Variants in ZMYM2 observed in about 807,000 individuals in gnomAD.
ZMYM2 encodes zinc finger MYM-type containing 2.
ZMYM2 carries 56 observed loss-of-function variants against 162.8 expected under a neutral mutation model. The ratio of observed to expected loss-of-function variants is 0.34; its 90% CI spans 0.28 to 0.43. The LOEUF (loss-of-function observed/expected upper bound fraction) is 0.43. Among genes scored for constraint, ZMYM2 ranks in the 20% least tolerant of loss-of-function variants. The probability of loss-of-function intolerance (pLI) is 1.00; values close to 1 mark genes in which losing one functional copy is unlikely to be tolerated. For synonymous variants in ZMYM2, 510 were observed against 541.6 expected (o/e 0.94, Z 0.81); for missense variants, 1,275 against 1,621.8 (o/e 0.79, Z 3.67).
chr13:19,951,145 C>T, the ZMYM2 span, among the ~76,000 whole-genome samples: 1 of 152,126 alleles, frequency 6.6e-6, no homozygotes, highest in Admixed American at 6.6e-5. Flanking sequence ...CGCTCTAAAG[C>T]TTAGATGGAA....
rs1158594782 is a variant in ZMYM2, at chr13:20,079,316, C to CAAAA, written c.3454-2676_3454-2673dup. Among the ~76,000 whole-genome samples, 120 of 23,158 alleles carry CAAAA rather than the reference C, an allele frequency of 5.2e-3. 16 individuals are homozygous for CAAAA. Among genetic ancestry groups the CAAAA allele is most frequent in the South Asian group, 0.031 (9 of 288 alleles). 15.2% of individuals were successfully genotyped at this position (23,158 alleles called of 152,430 possible). A position where few individuals can be genotyped will look rare whatever the true frequency, so the allele number is the denominator to read the frequency against. On this transcript the variant is annotated intron_variant, in intron 21 of 24. Transcript: ENST00000610343. Reference sequence around the variant, plus strand: ...CTGGCAACAGAGTAAGACTCTGTCTCAAAAAAAAAAAAAAAAAAAAAAAAA... The same window carrying CAAAA: ...CTGGCAACAGAGTAAGACTCTGTCTCAAAAAAAAAAAAAAAAAAAAAAAAAAAAA...
chr13:19,923,356 C>CAAAAAAA, the ZMYM2 span, among the ~76,000 whole-genome samples: 1 of 57,368 alleles, frequency 1.7e-5, no homozygotes, highest in African/African-American at 7.4e-5. Flanking sequence ...GACTCCGTCG[C>CAAAAAAA]AAAAAAAAAA....
intron 17 of ZMYM2, 108 bp downstream of exon 17, chr13:20,061,332 G>A (rs968230606): frequency 4.3e-4 from 527 of 1,232,032 alleles, no homozygotes; most frequent in Non-Finnish European, 5.5e-4. Context: ...CTTATGTGGG[G>A]GTGAGGAAAG....
At chr13:19,960,590 A>G (rs1955099688) in intron 2 of ZMYM2, among the ~76,000 whole-genome samples, 1 of 152,186 alleles carries the variant, frequency 6.6e-6, no homozygotes, top group Non-Finnish European at 1.5e-5. Flanking sequence ...TTCACCAAGT[A>G]GTATGCTGAT....
intron 6 of ZMYM2, among the ~76,000 whole-genome samples, chr13:20,014,178 A>G (rs1379231859): frequency 1.3e-5 from 2 of 152,008 alleles, no homozygotes; most frequent in Admixed American, 6.6e-5. Context: ...GGTTCAAGCA[A>G]TTCTCCTGCC....
rs1028366785 is a variant in ZMYM2, at chr13:20,087,135, C to T, written c.*1121C>T. 1.6e-5 allele frequency: 3 copies of T among 186,330 alleles called. No homozygotes were observed. Among genetic ancestry groups the T allele is most frequent in the African/African-American group, 7.0e-5 (3 of 42,664 alleles). 11.5% of individuals were successfully genotyped at this position (186,330 alleles called of 1,614,324 possible). A position where few individuals can be genotyped will look rare whatever the true frequency, so the allele number is the denominator to read the frequency against. ...GGATCACATTTTATAATGAAGATTACCAGTGTAGTAATTCTGATATTGCAA... is the reference window on the plus strand; with the variant it reads ...GGATCACATTTTATAATGAAGATTATCAGTGTAGTAATTCTGATATTGCAA... On this transcript the variant is annotated 3_prime_UTR_variant, in exon 25 of 25. Transcript: ENST00000610343.
upstream of ZMYM2, among the ~76,000 whole-genome samples, chr13:19,958,314 G>C (rs1221503886): frequency 1.3e-5 from 2 of 152,160 alleles, no homozygotes; most frequent in Non-Finnish European, 2.9e-5. Flanking sequence ...GCCGCGGCCT[G>C]GGCGCCCGGG....
intron 6 of ZMYM2, among the ~76,000 whole-genome samples, chr13:20,012,718 A>G (rs1403158922): frequency 6.6e-6 from 1 of 151,914 alleles, no homozygotes; most frequent in East Asian, 1.9e-4. Flanking sequence ...CACCACCACC[A>G]CCTGTTGATG....
chr13:19,926,695 TC>T, the ZMYM2 span, among the ~76,000 whole-genome samples: 1 of 151,440 alleles, frequency 6.6e-6, no homozygotes, highest in Non-Finnish European at 1.5e-5. Context: ...CAAGACAGGG[TC>T]CCACTCTTTC....
the ZMYM2 span, among the ~76,000 whole-genome samples, chr13:19,870,580 T>TTCCTTCCTTCCTTCC: frequency 7.6e-6 from 1 of 132,168 alleles, no homozygotes; most frequent in African/African-American, 2.9e-5. Context: ...CCTTCTTTCC[T>TTCCTTCCTTCCTTCC]TTCCTTCCTT....
At chr13:19,991,121 G>A (rs1164263323) in intron 2 of ZMYM2, among the ~76,000 whole-genome samples, 4 of 148,960 alleles carry the variant, frequency 2.7e-5, no homozygotes, top group Non-Finnish European at 5.9e-5. Context: ...GTGTACGTAT[G>A]TGTTTTCTTT....
At chr13:20,014,714 T>G (rs572533772) in intron 6 of ZMYM2, among the ~76,000 whole-genome samples, 1 of 151,804 alleles carries the variant, frequency 6.6e-6, no homozygotes, top group South Asian at 2.1e-4. Context: ...GGTTTAGTGA[T>G]CTCGTCTTTT....
In ZMYM2 at chr13:20,076,984, C is replaced by T. The variant is rs1451487336; in HGVS notation, c.3454-5032C>T. Among the ~76,000 whole-genome samples, 2 of 150,228 alleles carry T rather than the reference C, an allele frequency of 1.3e-5. 1 individual carries two copies. Among genetic ancestry groups the T allele is most frequent in the African/African-American group, 5.0e-5 (2 of 39,628 alleles). ...CCGAGTACCTGGGACTACAGGCCAC[C>T]ATGCCCAGCTAATTTTTGTGTTTTT... On this transcript the variant is annotated intron_variant, in intron 21 of 24. Transcript: ENST00000610343.
rs1956338101 is a variant in ZMYM2 at position 20,062,921 on chromosome 13, C to T, written c.2987C>T (p.Pro996Leu). Residue 996 changes from proline to leucine, a missense_variant, in exon 18 of 25, where the codon CCT becomes CTT. By Grantham distance (98) the Pro-to-Leu change is moderately conservative. Around this residue, in one of 10 missense-constraint regions of ZMYM2, gnomAD observed 229 missense variants for 283.8 expected, o/e 0.81. Coordinates refer to ENST00000610343, the MANE Select transcript of ZMYM2 (RefSeq NM_197968.4). ...NSDPETQSSM[P>L]DVPYEPDLDI... ...GACCCAGAGACACAGTCCAGCATGC[C>T]TGATGTACCATATGAACCAGATTTG... 1.2e-6 allele frequency: 2 copies of T among 1,603,840 alleles called. No homozygotes were observed. The highest frequency in any genetic ancestry group is 1.7e-5 in the Admixed American group (1 of 58,696).
chr13:20,025,235 G>A, intron 7 of ZMYM2: 1 of 199,716 alleles, frequency 5.0e-6, no homozygotes, highest in Non-Finnish European at 1.0e-5. Context: ...GATGCTCGTG[G>A]GTATGAAGAC....
intron 2 of ZMYM2, among the ~76,000 whole-genome samples, chr13:19,960,293 C>A (rs1440755000): frequency 6.6e-6 from 1 of 152,196 alleles, no homozygotes; most frequent in East Asian, 1.9e-4. Context: ...TCACGTTACC[C>A]GGGAGGAGGG....
intron 11 of ZMYM2, among the ~76,000 whole-genome samples, chr13:20,036,181 T>C (rs1030571392): frequency 8.5e-5 from 13 of 152,172 alleles, no homozygotes; most frequent in Admixed American, 7.2e-4. Context: ...GTAAAAATAC[T>C]TAATGCGTTT....
chr13:19,986,151 C>G (rs1019693259), intron 2 of ZMYM2, among the ~76,000 whole-genome samples: 6 of 151,916 alleles, frequency 3.9e-5, no homozygotes, highest in African/African-American at 1.2e-4. Context: ...GAGCCTAGAT[C>G]GCACCACTGC....
Position 20,035,598 on chromosome 13 carries a change from G to T in ZMYM2, c.2120-1139G>T, listed in dbSNP as rs535233704. The stretch of plus-strand genomic sequence containing the variant: ...TATGTCATTAATTGTCTACCATTTG[G>T]ATTATATGGACTTTACTAAAATGAA... On this transcript the variant is annotated intron_variant, in intron 11 of 24. Transcript: ENST00000610343. 2.0e-5 allele frequency among the ~76,000 whole-genome samples: 3 copies of T among 152,200 alleles called. No homozygotes were observed. The South Asian group carries it at 6.2e-4, about 32-fold the overall frequency.
Sources: allele counts gnomAD v4.1 joint callset (sites outside exome capture counted in the v4.1 genomes callset), GRCh38; gene constraint gnomAD v4.1.1; regional missense constraint gnomAD v4.1.1; transcripts MANE v1.5; gene names NCBI Gene and HGNC (gene_info 2026-07-23, HGNC 2026-07-21).